The following MKI67 variants were observed in gnomAD, a reference collection of about 807,000 sequenced individuals.
The protein encoded by MKI67 is proliferation marker protein Ki-67.
In MKI67, 152 loss-of-function variants were observed where a neutral mutation model predicts 233.5. That is an observed-to-expected ratio of 0.65 (90% CI 0.57 to 0.74). MKI67 has a LOEUF of 0.74. Ranked by LOEUF, MKI67 falls within the 30% of genes least tolerant of loss-of-function variation. The probability of loss-of-function intolerance (pLI) is 0.00; values close to 1 mark genes in which losing one functional copy is unlikely to be tolerated. For missense variants in MKI67, 3,940 were observed against 3,885.2 expected (o/e 1.01, Z -0.37); for synonymous variants, 1,465 against 1,418.5 (o/e 1.03, Z -0.74).
At position 128,123,148 on chromosome 10, in the gene MKI67, A is replaced by G. The variant is rs1852987497; in HGVS notation, c.114T>C (p.Arg38=). Residue 38 remains arginine, a synonymous_variant, in exon 3 of 15, where the codon CGT becomes CGC. Transcript: ENST00000368654. ...GTTTTGACACAACAGGAAGCTGGAT[A>G]CGGATGTCACATTCAATACCCCTTC... ...LFGRGIECDI[R]IQLPVVSKQH... is the part of the protein sequence containing the mutation. 6.2e-7 allele frequency: 1 copy of G among 1,613,928 alleles called. No homozygotes were observed. Among genetic ancestry groups the G allele is most frequent in the Non-Finnish European group, 8.5e-7 (1 of 1,179,822 alleles).
chr10:128,125,876 G>T lies in MKI67; in HGVS notation c.-89-120C>A. The stretch of plus-strand genomic sequence containing the variant: ...AGCTAGCTAGCGGGGACCCCAGGAC[G>T]ATCCGACCGCAGCCCCCGGCGCCCC... On this transcript the variant is annotated intron_variant, in intron 1 of 14. Coordinates refer to ENST00000368654, the MANE Select transcript of MKI67 (RefSeq NM_002417.5). This position sits in a 1 kb window ranked among gnomAD's most constrained non-coding sequence, Gnocchi z 5.3. 1.8e-6 allele frequency: 1 copy of T among 565,260 alleles called. No individual in the cohort carries two copies. Among genetic ancestry groups the T allele is most frequent in the Non-Finnish European group, 3.1e-6 (1 of 317,840 alleles). 35.0% of individuals were successfully genotyped at this position (565,260 alleles called of 1,614,324 possible). A position where few individuals can be genotyped will look rare whatever the true frequency, so the allele number is the denominator to read the frequency against.
intron 12 of MKI67, 28 bp from the exon 13 acceptor site, chr10:128,109,451 C>A: frequency 6.3e-7 from 1 of 1,586,748 alleles, no homozygotes; most frequent in South Asian, 1.1e-5. Flanking sequence ...ACAATAAAAA[C>A]ATTCTATTAG....
Position 128,108,847 on chromosome 10 carries a change from T to A in MKI67, c.2993A>T (p.Glu998Val). ...GGGCATTTTAGTGATTTTGCCTTTC[T>A]CACTCTTTGGTGCCTTGGCATGATC... ...TQDHAKAPKSEKGKITKMPCQ... is the reference protein window; with the variant it reads ...TQDHAKAPKSVKGKITKMPCQ... The change falls in exon 13 of 15, where the codon GAG (glutamate) becomes GTG (valine). Residue 998 changes from glutamate to valine, a missense_variant. Glu to Val is a moderately radical substitution (Grantham distance 121, BLOSUM62 -2). Transcript: ENST00000368654. 1 of 1,614,234 alleles carries A rather than the reference T, an allele frequency of 6.2e-7. No individual in the cohort carries two copies. Among genetic ancestry groups the A allele is most frequent in the Non-Finnish European group, 8.5e-7 (1 of 1,180,044 alleles).
In MKI67 at chr10:128,103,036, G is replaced by T; in HGVS notation, c.8804C>A (p.Ala2935Glu). 6.2e-7 allele frequency: 1 copy of T among 1,614,260 alleles called. No individual in the cohort carries two copies. Among genetic ancestry groups the T allele is most frequent in the Non-Finnish European group, 8.5e-7 (1 of 1,180,050 alleles). Reference sequence around the variant, plus strand: ...TGTAAAGCTATCAGCAGCACCATTTGCCAGTTCCTCAGTGTGGCCTGGTGT... The same window carrying T: ...TGTAAAGCTATCAGCAGCACCATTTTCCAGTTCCTCAGTGTGGCCTGGTGT... ...SQTPGHTEEL[A>E]NGAADSFTSA... Residue 2935 changes from alanine (A) to glutamate (E), a missense_variant, in exon 13 of 15, where the codon GCA becomes GAA. Ala to Glu is a moderately radical substitution (Grantham distance 107). Coordinates refer to ENST00000368654, the MANE Select transcript of MKI67 (RefSeq NM_002417.5).
intron 4 of MKI67, 23 bp downstream of exon 4, chr10:128,122,841 AAGATGACATTTACTGTT>A (rs1470876599): frequency 3.0e-6 from 3 of 986,470 alleles, no homozygotes; most frequent in Non-Finnish European, 4.6e-6. Context: ...GGTTAATCAG[AAGATGACATTTACTGTT>A]AGACCAATCA....
chr10:128,119,416 CTT>C (rs1852883534), intron 4 of MKI67, 97 bp from the exon 5 acceptor site: 2 of 808,420 alleles, frequency 2.5e-6, no homozygotes, highest in East Asian at 5.2e-5. Context: ...AACGAACAAA[CTT>C]TGGGTTTAGT....
In MKI67 at chr10:128,116,099, T is replaced by C. The variant is rs1852801672; in HGVS notation, c.401-92A>G. The C allele has an allele frequency of 2.1e-6, 3 of 1,433,034 alleles. No homozygotes were observed. The South Asian group carries it at 4.3e-5, about 20-fold the overall frequency. 88.8% of individuals were successfully genotyped at this position (1,433,034 alleles called of 1,614,324 possible). A position where few individuals can be genotyped will look rare whatever the true frequency, so the allele number is the denominator to read the frequency against. On this transcript the variant is annotated intron_variant, in intron 6 of 14. Transcript: ENST00000368654. ...ATTCAATATTTTAATTGTTTCAGGT[T>C]GTCTTATAAGCTAGCTTTTACTTGG...
rs201245696 is a variant in MKI67, at chr10:128,104,410, C to T, written c.7430G>A (p.Ser2477Asn). The change falls in exon 13 of 15, where the codon AGC becomes AAC. Residue 2477 changes from serine to asparagine, a missense_variant. By Grantham distance (46) the Ser-to-Asn change is conservative (BLOSUM62 1). Coordinates refer to ENST00000368654, the MANE Select transcript of MKI67 (RefSeq NM_002417.5). The part of the protein sequence containing the change: ...PQPESFKTSR[S>N]SKQRLKIPLV... ...GGGTATCTTGAGCCTTTGCTTGGAG[C>T]TTCTTGAGGTTTTGAATGACTCTGG... 1.4e-5 allele frequency: 23 copies of T among 1,614,046 alleles called. No homozygotes were observed. The highest frequency in any genetic ancestry group is 1.9e-5 in the Non-Finnish European group (22 of 1,180,022).
At position 128,111,053 on chromosome 10, in the gene MKI67, G is replaced by T. The variant is rs890223526; in HGVS notation, c.2261-520C>A. ...TCTAATATCATTATCATTCTGTTTG[G>T]AATGATAGGAGGCCTCAGCCTCCCA... On this transcript the variant is annotated intron_variant, in intron 11 of 14. Coordinates refer to ENST00000368654, the MANE Select transcript of MKI67 (RefSeq NM_002417.5). Among the ~76,000 whole-genome samples the T allele has an allele frequency of 7.2e-5, 11 of 152,306 alleles. No individual in the cohort carries two copies. The East Asian group carries it at 2.1e-3, about 29-fold the overall frequency.
In MKI67 at chr10:128,104,344, C is replaced by G; in HGVS notation, c.7496G>C (p.Ser2499Thr). 1 of 1,614,186 alleles carries G rather than the reference C, an allele frequency of 6.2e-7. No individual in the cohort carries two copies. The highest frequency in any genetic ancestry group is 8.5e-7 in the Non-Finnish European group (1 of 1,180,040). ...CTCCCCTGATGTCCGTGTGAGCTTG[C>G]TGACTGCTAGGGGCTCTTCTTTCAT... The part of the protein sequence containing the change: ...VDMKEEPLAV[S>T]KLTRTSGETT... The change falls in exon 13 of 15, where the codon AGC becomes ACC. Residue 2499 changes from serine to threonine, a missense_variant. Ser to Thr is a moderately conservative substitution (Grantham distance 58, BLOSUM62 1). Transcript: ENST00000368654.
At position 128,125,172 on chromosome 10, in the gene MKI67, G is replaced by A. The variant is rs1025469597; in HGVS notation, c.92+404C>T. Among the ~76,000 whole-genome samples, 3 of 152,170 alleles carry A rather than the reference G, an allele frequency of 2.0e-5. No homozygotes were observed. The highest frequency in any genetic ancestry group is 7.2e-5 in the African/African-American group (3 of 41,448). On this transcript the variant is annotated intron_variant, in intron 2 of 14. Coordinates refer to ENST00000368654, the MANE Select transcript of MKI67 (RefSeq NM_002417.5). The surrounding 1 kb of genome is among the most constrained non-coding windows in gnomAD (Gnocchi z 5.3). ...CTGTCCCATTTTCCTATTGCCACAA[G>A]GAGCCAAGAGACAAGTGTATGGCTT... is the stretch of plus-strand genomic sequence containing the variant.
chr10:128,122,285 A>G (rs183486095), intron 4 of MKI67, among the ~76,000 whole-genome samples: 8 of 152,170 alleles, frequency 5.3e-5, no homozygotes, highest in Admixed American at 3.9e-4. Flanking sequence ...GCCTCTTCTC[A>G]TGGGCTTTCC....
rs149807717 is a variant in MKI67 at position 128,115,103 on chromosome 10, C to T, written c.1305G>A (p.Thr435=). 3,494 of 1,614,058 alleles carry T rather than the reference C, an allele frequency of 2.2e-3. 7 individuals are homozygous for T. Among genetic ancestry groups the T allele is most frequent in the African/African-American group, 3.6e-3 (273 of 75,020 alleles). The change falls in exon 7 of 15, where the codon ACG becomes ACA. Residue 435 remains threonine (T), a synonymous_variant. Transcript: ENST00000368654. ...SIPTDVEVLP[T]ETEIHNEPFL... ...ATGGCTCATTGTGAATTTCAGTTTC[C>T]GTAGGCAGAACTTCCACATCTGTAG... is the stretch of plus-strand genomic sequence containing the variant.
chr10:128,111,112 C>T (rs1345314802), intron 11 of MKI67, among the ~76,000 whole-genome samples: 6 of 152,334 alleles, frequency 3.9e-5, no homozygotes, highest in East Asian at 3.9e-4. Flanking sequence ...GCCACTGCGC[C>T]GGCCATCCCC....
Position 128,112,088 on chromosome 10 carries a change from A to G in MKI67, c.1970-43T>C, listed in dbSNP as rs1195490853. The stretch of plus-strand genomic sequence containing the variant: ...CGAAACTTTTCAAAAATTAGCATTC[A>G]TGAAAAAATTCACCTTAATATATGT... On this transcript the variant is annotated intron_variant, in intron 9 of 14. Coordinates refer to ENST00000368654, the MANE Select transcript of MKI67 (RefSeq NM_002417.5). 8 of 1,605,962 alleles carry G rather than the reference A, an allele frequency of 5.0e-6. No individual in the cohort carries two copies. In the South Asian group the frequency reaches 5.6e-5, roughly 11 times the overall value.
Position 128,106,205 on chromosome 10 carries a change from T to C in MKI67, c.5635A>G (p.Arg1879Gly), listed in dbSNP as rs763372252. The C allele has an allele frequency of 2.1e-5, 34 of 1,613,550 alleles. No individual in the cohort carries two copies. In the South Asian group the frequency reaches 3.7e-4, roughly 18 times the overall value. ...TPTNTKQRPK[R>G]SLKKADVEEE... ...TCTACGTCTGCTTTCTTGAGGCTTC[T>C]CTTGGGCCGTTGCTTTGTGTTTGTT... is the stretch of plus-strand genomic sequence containing the variant. Residue 1879 changes from arginine (R) to glycine (G), a missense_variant, in exon 13 of 15, where the codon AGA (arginine) becomes GGA (glycine). By Grantham distance (125) the Arg-to-Gly change is moderately radical. Transcript: ENST00000368654.
At chr10:128,109,463 G>T (rs759037647) in intron 12 of MKI67, 40 bp from the exon 13 acceptor site, 49 of 1,569,170 alleles carry the variant, frequency 3.1e-5, no homozygotes, top group African/African-American at 4.1e-5. Context: ...TTCTATTAGT[G>T]TCTCATGTCA....
At position 128,115,336 on chromosome 10, in the gene MKI67, G is replaced by A. The variant is rs553723575; in HGVS notation, c.1072C>T (p.Pro358Ser). Residue 358 changes from proline (P) to serine (S), a missense_variant, in exon 7 of 15, where the codon CCA becomes TCA. Physicochemically the swap from Pro to Ser is moderately conservative, Grantham distance 74. Transcript: ENST00000368654. ...PVQYSQQQNS[P>S]QKHKNKDLYT... The stretch of plus-strand genomic sequence containing the variant: ...AGGTCTTTGTTCTTATGTTTTTGTG[G>A]AGAATTTTGTTGCTGTGAATATTGT... The A allele has an allele frequency of 1.2e-6, 2 of 1,614,086 alleles. No homozygotes were observed. Among genetic ancestry groups the A allele is most frequent in the Admixed American group, 3.3e-5 (2 of 59,998 alleles).
At chr10:128,112,068 CTT>C (rs1215459542) in intron 9 of MKI67, 23 bp from the exon 10 acceptor site, 2 of 1,606,622 alleles carry the variant, frequency 1.2e-6, no homozygotes, top group African/African-American at 2.7e-5. Context: ...AAAGACGAAA[CTT>C]TTCAAAAATT....
Sources: gnomAD v4.1 joint callset for allele counts (sites outside exome capture counted in the v4.1 genomes callset) on GRCh38, gnomAD v4.1.1 for gene constraint, Gnocchi (gnomAD v3.1) non-coding constraint, MANE v1.5 for transcripts, NCBI Gene and HGNC (gene_info 2026-07-23, HGNC 2026-07-21) for gene names.